SUSD1: variants seen among roughly 807,000 people sequenced by gnomAD.
SUSD1 encodes sushi domain-containing protein 1.
In SUSD1, 65 loss-of-function variants were observed where a neutral mutation model predicts 86.9. The ratio of observed to expected loss-of-function variants is 0.75; its 90% CI spans 0.61 to 0.92. The LOEUF is 0.92. Among genes scored for constraint, SUSD1 ranks in the 40% least tolerant of loss-of-function variants. SUSD1 has a pLI of 0.00. For synonymous variants in SUSD1, 346 were observed against 350.0 expected, an observed-to-expected ratio of 0.99 and a Z score of 0.13; for missense variants, 850 against 929.7, an observed-to-expected ratio of 0.91 and a Z score of 1.11.
At position 112,053,070 on chromosome 9, in the gene SUSD1, T is replaced by A. The variant is rs189903886; in HGVS notation, c.2110-632A>T. 1.9e-3 allele frequency among the ~76,000 whole-genome samples: 288 copies of A among 152,350 alleles called. 4 individuals carry two copies. Among genetic ancestry groups the A allele is most frequent in the African/African-American group, 6.7e-3 (278 of 41,580 alleles). On this transcript the variant is annotated intron_variant, in intron 14 of 16. Coordinates refer to ENST00000374270, the MANE Select transcript of SUSD1 (RefSeq NM_022486.5). Reference sequence around the variant, plus strand: ...ACAAATGCTGGGGACTTGCTCTATATAAGACTTGAAAATATTCCCCAGAGG... The same window carrying A: ...ACAAATGCTGGGGACTTGCTCTATAAAAGACTTGAAAATATTCCCCAGAGG...
chr9:112,142,535 G>A, intron 4 of SUSD1, 36 bp from the exon 5 acceptor site: 1 of 1,591,838 alleles, frequency 6.3e-7, no homozygotes, highest in Non-Finnish European at 8.6e-7. Context: ...ATTACCTCGT[G>A]AATGTAAATC....
intron 6 of SUSD1, among the ~76,000 whole-genome samples, chr9:112,118,195 G>A (rs1057109804): frequency 6.6e-6 from 1 of 152,172 alleles, no homozygotes; most frequent in Non-Finnish European, 1.5e-5. Context: ...GATTTCAAAA[G>A]GAATGTAACT....
At chr9:112,064,049 G>T (rs1318467049) in intron 12 of SUSD1, among the ~76,000 whole-genome samples, 2 of 144,208 alleles carry the variant, frequency 1.4e-5, no homozygotes, top group Admixed American at 6.8e-5. Context: ...CTTTTTTTGG[G>T]GGGGGGGCGG....
chr9:112,098,059 T>A (rs1353145569), intron 10 of SUSD1, among the ~76,000 whole-genome samples: 1 of 152,188 alleles, frequency 6.6e-6, no homozygotes, highest in Non-Finnish European at 1.5e-5. Flanking sequence ...ATGCGTGGCC[T>A]AGTCCTGAGG....
intron 8 of SUSD1, among the ~76,000 whole-genome samples, chr9:112,105,894 G>A (rs925052240): frequency 6.6e-5 from 10 of 152,128 alleles, no homozygotes; most frequent in East Asian, 3.8e-4. Context: ...AACATTTGCC[G>A]GGTACATTAA....
At chr9:112,168,915 C>T (rs1833928679) in intron 1 of SUSD1, among the ~76,000 whole-genome samples, 1 of 152,228 alleles carries the variant, frequency 6.6e-6, no homozygotes, top group East Asian at 1.9e-4. Context: ...TCCTGAGATT[C>T]TGTCTGTCAA....
intron 10 of SUSD1, 60 bp downstream of exon 10, chr9:112,098,409 CT>C (rs1644476997): frequency 6.5e-7 from 1 of 1,549,520 alleles, no homozygotes; most frequent in Non-Finnish European, 8.8e-7. Context: ...CCCGCCCACA[CT>C]GCTCAATTCA....
chr9:112,143,496 C>T lies in SUSD1; in HGVS notation c.501G>A (p.Pro167=), dbSNP rs763952253. ...CTGTGCATGATGTGGCATCGGTGGT[C>T]GGGTGGAAAGGTTCAGGTCCATTCC... ...LPRNGPEPFH[P]TTDATSCTEI... The change falls in exon 4 of 17, where the codon CCG becomes CCA. Residue 167 remains proline (P), a synonymous_variant. Coordinates refer to ENST00000374270, the MANE Select transcript of SUSD1 (RefSeq NM_022486.5). 9 of 1,613,532 alleles carry T rather than the reference C, an allele frequency of 5.6e-6. No homozygotes were observed. The highest frequency in any genetic ancestry group is 5.3e-5 in the African/African-American group (4 of 74,836).
intron 10 of SUSD1, among the ~76,000 whole-genome samples, chr9:112,084,895 T>C (rs7856534): frequency 0.32 from 48,883 of 152,032 alleles, 8,134 homozygotes; most frequent in African/African-American, 0.37. Context: ...AAGCTCTTAA[T>C]GAAACTTTGT....
At chr9:112,043,946 G>C (rs1827851539) in intron 15 of SUSD1, among the ~76,000 whole-genome samples, 1 of 152,024 alleles carries the variant, frequency 6.6e-6, no homozygotes. Context: ...GACTACAGGT[G>C]TACTCCACCA....
chr9:112,123,338 A>C (rs576746158), intron 6 of SUSD1, among the ~76,000 whole-genome samples: 1 of 152,230 alleles, frequency 6.6e-6, no homozygotes, highest in South Asian at 2.1e-4. Flanking sequence ...TCCTTTTAAC[A>C]ATCAGCTCTC....
At position 112,124,401 on chromosome 9, in the gene SUSD1, C is replaced by A. The variant is rs376999436; in HGVS notation, c.742G>T (p.Ala248Ser). ...GAGCTGTGATTTCCTACCAAGATGG[C>A]GTGCCGCATTTCTGGAGGGTTGCCA... is the stretch of plus-strand genomic sequence containing the variant. ...NCGNPPEMRHAILVGNHSSRL... is the reference protein window; with the variant it reads ...NCGNPPEMRHSILVGNHSSRL... Residue 248 changes from alanine (A) to serine (S), a missense_variant, in exon 6 of 17, where the codon GCC (alanine) becomes TCC (serine). Coordinates refer to ENST00000374270, the MANE Select transcript of SUSD1 (RefSeq NM_022486.5). The A allele has an allele frequency of 1.9e-6, 3 of 1,614,050 alleles. No homozygotes were observed.
At chr9:112,149,678 T>C (rs1334770321) in intron 2 of SUSD1, among the ~76,000 whole-genome samples, 2 of 152,200 alleles carry the variant, frequency 1.3e-5, no homozygotes, top group East Asian at 1.9e-4. Flanking sequence ...AGGGTTCTCT[T>C]TGAACTTTTC....
chr9:112,068,348 G>A (rs1353275486), intron 12 of SUSD1, among the ~76,000 whole-genome samples: 1 of 152,160 alleles, frequency 6.6e-6, no homozygotes, highest in Non-Finnish European at 1.5e-5. Context: ...AGGTGGTCAA[G>A]TTAGAGGGGT....
intron 12 of SUSD1, among the ~76,000 whole-genome samples, chr9:112,063,871 A>G (rs1032926323): frequency 6.6e-6 from 1 of 152,150 alleles, no homozygotes; most frequent in East Asian, 1.9e-4. Flanking sequence ...TGTTTATAGA[A>G]GCAATCATTT....
chr9:112,059,250 G>A (rs1828601250), intron 13 of SUSD1, among the ~76,000 whole-genome samples: 1 of 152,228 alleles, frequency 6.6e-6, no homozygotes, highest in Admixed American at 6.5e-5. Context: ...ACCTCTCCAA[G>A]TTCTGGCTGC....
intron 5 of SUSD1, among the ~76,000 whole-genome samples, chr9:112,129,302 G>A (rs1831915356): frequency 6.6e-6 from 1 of 152,062 alleles, no homozygotes; most frequent in South Asian, 2.1e-4. Flanking sequence ...TGTTCTTTCT[G>A]TTGTTTCAGG....
At chr9:112,150,638 GC>G (rs1271164943) in intron 2 of SUSD1, among the ~76,000 whole-genome samples, 1 of 152,206 alleles carries the variant, frequency 6.6e-6, no homozygotes, top group Non-Finnish European at 1.5e-5. Context: ...AAATGGCATA[GC>G]CAACTACACA....
At chr9:112,069,152 C>T (rs937720483) in intron 12 of SUSD1, among the ~76,000 whole-genome samples, 8 of 95,778 alleles carry the variant, frequency 8.4e-5, no homozygotes, top group South Asian at 3.5e-4. Context: ...GGGCCAAGGG[C>T]GGACCACCGA....
Sources: allele counts gnomAD v4.1 joint callset (sites outside exome capture counted in the v4.1 genomes callset), GRCh38; gene constraint gnomAD v4.1.1; transcripts MANE v1.5; gene names NCBI Gene and HGNC (gene_info 2026-07-23, HGNC 2026-07-21).